SBF2: variants seen among roughly 807,000 people sequenced by gnomAD.
SBF2 encodes SET binding factor 2.
SBF2 carries 112 observed loss-of-function variants against 225.2 expected under a neutral mutation model. The observed-to-expected ratio is 0.50, with a 90% CI of 0.43 to 0.58. The LOEUF (loss-of-function observed/expected upper bound fraction) is 0.58. Ranked by LOEUF, SBF2 falls within the 20% of genes least tolerant of loss-of-function variation. The pLI, the probability that SBF2 is intolerant of heterozygous loss-of-function variation, is 0.00. For missense variants in SBF2, 1,996 were observed against 2,206.2 expected, an observed-to-expected ratio of 0.90 and a Z score of 1.91; for synonymous variants, 763 against 773.3, an observed-to-expected ratio of 0.99 and a Z score of 0.22.
chr11:10,280,607 A>G (rs1963339721), intron 1 of SBF2, among the ~76,000 whole-genome samples: 1 of 152,192 alleles, frequency 6.6e-6, no homozygotes, highest in African/African-American at 2.4e-5. Context: ...TACCTCTCAA[A>G]ATCAGATTAC....
At chr11:10,279,880 A>G (rs1462753679) in intron 1 of SBF2, among the ~76,000 whole-genome samples, 3 of 151,566 alleles carry the variant, frequency 2.0e-5, no homozygotes, top group African/African-American at 7.3e-5. Context: ...CGAACTTCTG[A>G]CCTCATGATC....
chr11:9,850,400 C>T (rs1856840016), intron 21 of SBF2, among the ~76,000 whole-genome samples, 182 bp from the exon 22 acceptor site: 1 of 152,250 alleles, frequency 6.6e-6, no homozygotes, highest in East Asian at 1.9e-4. Flanking sequence ...AGACTACAGG[C>T]ATGCACCACT....
At position 10,064,006 on chromosome 11, in the gene SBF2, G is replaced by A. The variant is rs1950548954; in HGVS notation, c.142-21025C>T. On this transcript the variant is annotated intron_variant, in intron 2 of 39. Coordinates refer to ENST00000256190, the MANE Select transcript of SBF2 (RefSeq NM_030962.4). ...AATAATGGCAAAACTAATACCAGATGCAAATATGACTGCATAAAACAATGA... is the reference window on the plus strand; with the variant it reads ...AATAATGGCAAAACTAATACCAGATACAAATATGACTGCATAAAACAATGA... Among the ~76,000 whole-genome samples the A allele has an allele frequency of 2.0e-5, 3 of 152,028 alleles. No homozygotes were observed. The South Asian group carries it at 6.2e-4, about 32-fold the overall frequency.
intron 2 of SBF2, among the ~76,000 whole-genome samples, chr11:10,177,316 A>T (rs1417759088): frequency 1.4e-5 from 2 of 147,310 alleles, no homozygotes; most frequent in Admixed American, 1.4e-4. Flanking sequence ...ACTCCTATTC[A>T]ACATAGTGTT....
intron 2 of SBF2, among the ~76,000 whole-genome samples, chr11:10,113,798 TAA>T (rs56742374): frequency 7.6e-4 from 110 of 143,950 alleles, no homozygotes; most frequent in Middle Eastern, 7.5e-3. Flanking sequence ...ACATGCAGTT[TAA>T]AAAAAAAAAA....
At chr11:10,275,680 T>G (rs571830843) in intron 1 of SBF2, among the ~76,000 whole-genome samples, 169 of 150,960 alleles carry the variant, frequency 1.1e-3, no homozygotes, top group Non-Finnish European at 1.6e-3. Context: ...AACAGAATCT[T>G]AAAACAAAAC....
intron 2 of SBF2, among the ~76,000 whole-genome samples, chr11:10,093,119 C>T (rs1392043065): frequency 2.0e-5 from 3 of 151,412 alleles, no homozygotes; most frequent in Admixed American, 6.6e-5. Context: ...TGGGTTCAAG[C>T]GATTCTCCTG....
chr11:10,190,476 A>T (rs1957122633), intron 2 of SBF2, among the ~76,000 whole-genome samples: 2 of 152,210 alleles, frequency 1.3e-5, no homozygotes. Context: ...AATCCATCCG[A>T]ATTAAAGTTT....
chr11:10,075,497 G>C (rs1358955969), intron 2 of SBF2, among the ~76,000 whole-genome samples: 3 of 152,194 alleles, frequency 2.0e-5, no homozygotes, highest in Non-Finnish European at 4.4e-5. Context: ...TGAAGGTGGG[G>C]CCTGGTGAAA....
intron 38 of SBF2, 29 bp from the exon 39 acceptor site, chr11:9,781,667 TAAGAGACAGA>T (rs1852015946): frequency 6.2e-7 from 1 of 1,613,826 alleles, no homozygotes; most frequent in African/African-American, 1.3e-5. Context: ...AAGTGAGATA[TAAGAGACAGA>T]AAGAGAAAAT....
intron 13 of SBF2, among the ~76,000 whole-genome samples, chr11:9,971,831 TA>T (rs1404505143): frequency 6.6e-6 from 1 of 152,172 alleles, no homozygotes; most frequent in Non-Finnish European, 1.5e-5. Context: ...GAAGAAGAGT[TA>T]AGTGGGAGAG....
At chr11:10,118,345 C>T (rs924477647) in intron 2 of SBF2, among the ~76,000 whole-genome samples, 4 of 152,008 alleles carry the variant, frequency 2.6e-5, no homozygotes, top group African/African-American at 7.2e-5. Flanking sequence ...AAAGAAAAAA[C>T]GCAAAAAGTC....
intron 6 of SBF2, among the ~76,000 whole-genome samples, chr11:10,013,887 C>T (rs1948546443): frequency 6.6e-6 from 1 of 152,090 alleles, no homozygotes; most frequent in African/African-American, 2.4e-5. Flanking sequence ...CTTACTTGCT[C>T]ATTCATTCAT....
chr11:9,993,164 G>C, intron 10 of SBF2, 61 bp from the exon 11 acceptor site: 2 of 1,262,758 alleles, frequency 1.6e-6, no homozygotes, highest in Non-Finnish European at 2.3e-6. Context: ...GAAATATCAA[G>C]TCAAAAAGGT....
At chr11:10,298,207 A>G (rs1343178634), upstream of SBF2, among the ~76,000 whole-genome samples, 2 of 152,178 alleles carry the variant, frequency 1.3e-5, no homozygotes, top group East Asian at 3.8e-4. Context: ...CCTGACCAAC[A>G]TGGTGAAACC....
chr11:10,062,295 C>T (rs191561545), intron 2 of SBF2, among the ~76,000 whole-genome samples: 7 of 152,238 alleles, frequency 4.6e-5, no homozygotes, highest in South Asian at 2.1e-4. Flanking sequence ...GATTTCATGA[C>T]GAAGTCACCA....
chr11:10,145,457 GAAGA>G (rs903879221), intron 2 of SBF2, among the ~76,000 whole-genome samples: 16 of 152,158 alleles, frequency 1.1e-4, no homozygotes, highest in Admixed American at 6.5e-4. Context: ...TTTAAGGAAA[GAAGA>G]AAGAGGTATA....
chr11:10,019,178 A>G (rs1266767619), intron 6 of SBF2, among the ~76,000 whole-genome samples: 3 of 152,114 alleles, frequency 2.0e-5, no homozygotes, highest in South Asian at 4.2e-4. Flanking sequence ...ACATTTTGTG[A>G]AAAAAAACAT....
chr11:10,249,347 C>T (rs1310073243), intron 1 of SBF2, among the ~76,000 whole-genome samples: 1 of 151,996 alleles, frequency 6.6e-6, no homozygotes, highest in Non-Finnish European at 1.5e-5. Flanking sequence ...TTGGGGTTGA[C>T]ATTAATAATC....
Sources: allele counts gnomAD v4.1 joint callset (sites outside exome capture counted in the v4.1 genomes callset), GRCh38; gene constraint gnomAD v4.1.1; transcripts MANE v1.5; gene names NCBI Gene and HGNC (gene_info 2026-07-23, HGNC 2026-07-21).